The following ATXN8OS variants were observed in gnomAD, a reference collection of about 807,000 sequenced individuals.
ATXN8OS encodes ATXN8 opposite strand lncRNA.
At chr13:70,138,151 G>C (rs1888645223) in intron 3 of ATXN8OS, among the ~76,000 whole-genome samples, 1 of 152,158 alleles carries the variant, frequency 6.6e-6, no homozygotes, top group South Asian at 2.1e-4. Context: ...CACAGAGCCA[G>C]ACCATATCGC....
chr13:70,118,769 T>C (rs1239720198), intron 2 of ATXN8OS, among the ~76,000 whole-genome samples: 2 of 152,178 alleles, frequency 1.3e-5, no homozygotes, highest in South Asian at 2.1e-4. Context: ...TTGGCACTTA[T>C]ATTCAACAGA....
chr13:70,108,785 T>C (rs991222996), intron 1 of ATXN8OS, among the ~76,000 whole-genome samples: 1 of 152,254 alleles, frequency 6.6e-6, no homozygotes, highest in African/African-American at 2.4e-5. Flanking sequence ...AATTATTTAA[T>C]GAACCGCGTC....
At chr13:70,159,552 G>A (rs1039840234) in intron 4 of ATXN8OS, among the ~76,000 whole-genome samples, 7 of 151,658 alleles carry the variant, frequency 4.6e-5, no homozygotes, top group Non-Finnish European at 8.8e-5. Context: ...GGATTCCCAC[G>A]TGCATACCAT....
At chr13:70,111,873 GCTC>G (rs1304245481) in intron 1 of ATXN8OS, among the ~76,000 whole-genome samples, 2 of 151,994 alleles carry the variant, frequency 1.3e-5, no homozygotes, top group Middle Eastern at 3.2e-3. Context: ...CCTTAAAATG[GCTC>G]CTGTGATTTT....
chr13:70,117,281 G>A (rs1888293902), intron 2 of ATXN8OS, among the ~76,000 whole-genome samples: 1 of 151,882 alleles, frequency 6.6e-6, no homozygotes, highest in Admixed American at 6.6e-5. Context: ...TGAATATGTT[G>A]ATTTGCTTAA....
exon 5 of ATXN8OS, among the ~76,000 whole-genome samples, chr13:70,171,319 CCTTTGGGCGTAA>C (rs779251804): frequency 2.8e-4 from 42 of 152,072 alleles, no homozygotes; most frequent in Non-Finnish European, 5.0e-4. Flanking sequence ...TACAGAGAAA[CCTTTGGGCGTAA>C]CTTTAAGGAA....
At chr13:70,137,672 C>T (rs543996726) in intron 3 of ATXN8OS, among the ~76,000 whole-genome samples, 56 of 152,122 alleles carry the variant, frequency 3.7e-4, no homozygotes, top group African/African-American at 1.2e-3. Flanking sequence ...TTTCTGGCTC[C>T]AGATCATTTT....
chr13:70,157,424 T>C lies in ATXN8OS; in HGVS notation n.573+9996T>C, dbSNP rs567151486. Among the ~76,000 whole-genome samples the C allele has an allele frequency of 2.6e-3, 397 of 152,208 alleles. 6 individuals are homozygous for C. The highest frequency in any genetic ancestry group is 3.7e-3 in the Non-Finnish European group (250 of 67,992). On this transcript the variant is annotated intron_variant and non_coding_transcript_variant, in intron 4 of 4. Transcript: ENST00000678624. ...ATGTGACTCTTTCAGCAAGGATACA[T>C]TGTTTACAAGAATTAAACCACAAAT...
intron 2 of ATXN8OS, among the ~76,000 whole-genome samples, chr13:70,125,101 C>G (rs1020497362): frequency 6.6e-6 from 1 of 152,002 alleles, no homozygotes; most frequent in Non-Finnish European, 1.5e-5. Context: ...GTTTCATTCA[C>G]CACTGAATTT....
intron 4 of ATXN8OS, among the ~76,000 whole-genome samples, chr13:70,153,074 C>T (rs138124063): frequency 2.5e-4 from 37 of 146,830 alleles, no homozygotes; most frequent in African/African-American, 7.1e-4. Context: ...ATAAGGCATA[C>T]GAATGCATAA....
At chr13:70,148,236 A>G (rs748722626) in intron 4 of ATXN8OS, among the ~76,000 whole-genome samples, 2 of 152,198 alleles carry the variant, frequency 1.3e-5, no homozygotes, top group Non-Finnish European at 2.9e-5. Flanking sequence ...TCTACAGAGT[A>G]TAAAATTTCC....
chr13:70,147,917 A>C (rs1256202995), intron 4 of ATXN8OS, among the ~76,000 whole-genome samples: 3 of 152,170 alleles, frequency 2.0e-5, no homozygotes, highest in African/African-American at 7.2e-5. Context: ...TAAAGCATAT[A>C]TTCATTTGGC....
chr13:70,145,365 T>C (rs1888767742), intron 3 of ATXN8OS, among the ~76,000 whole-genome samples: 1 of 151,794 alleles, frequency 6.6e-6, no homozygotes, highest in South Asian at 2.1e-4. Context: ...AACTTTAAAG[T>C]AGTTTTTTCC....
upstream of ATXN8OS, chr13:70,107,708 C>G (rs368924182): frequency 2.2e-5 from 33 of 1,512,686 alleles, no homozygotes; most frequent in African/African-American, 3.8e-4. Flanking sequence ...ATGCTTTACG[C>G]ACAGAAGGCA....
intron 4 of ATXN8OS, among the ~76,000 whole-genome samples, chr13:70,153,384 C>A (rs1004833555): frequency 2.0e-5 from 3 of 151,830 alleles, no homozygotes; most frequent in Non-Finnish European, 4.4e-5. Context: ...ACCAGTCTGG[C>A]CAACATAGTG....
chr13:70,136,116 A>G (rs1250113188), intron 3 of ATXN8OS, among the ~76,000 whole-genome samples: 1 of 152,150 alleles, frequency 6.6e-6, no homozygotes, highest in East Asian at 1.9e-4. Context: ...GCAAAGAGGC[A>G]TTTCTTTTGC....
At chr13:70,131,343 T>A (rs964546767) in intron 3 of ATXN8OS, 1 of 398,386 alleles carries the variant, frequency 2.5e-6, no homozygotes, top group Non-Finnish European at 4.4e-6. Flanking sequence ...AATCAGTTTT[T>A]TCCTCTCCAA....
intron 4 of ATXN8OS, among the ~76,000 whole-genome samples, chr13:70,167,719 A>ACTT (rs1566622529): frequency 3.9e-5 from 4 of 103,340 alleles, no homozygotes; most frequent in African/African-American, 1.5e-4. Flanking sequence ...AACATATGTA[A>ACTT]CTTCTTTTTT....
intron 4 of ATXN8OS, among the ~76,000 whole-genome samples, chr13:70,160,466 C>T (rs939032956): frequency 5.3e-5 from 8 of 151,662 alleles, no homozygotes; most frequent in African/African-American, 1.7e-4. Context: ...GAAGTTAGTT[C>T]GGCATGAAGT....
Sources: gnomAD v4.1 joint callset for allele counts (sites outside exome capture counted in the v4.1 genomes callset) on GRCh38, gnomAD v4.1.1 for gene constraint, MANE v1.5 for transcripts, NCBI Gene and HGNC (gene_info 2026-07-23, HGNC 2026-07-21) for gene names.